Variants in CROT observed in about 807,000 individuals in gnomAD.
CROT encodes the protein peroxisomal carnitine O-octanoyltransferase.
CROT carries 84 observed loss-of-function variants against 89.2 expected under a neutral mutation model. The ratio of observed to expected loss-of-function variants is 0.94; its 90% confidence interval spans 0.79 to 1.13. CROT has a LOEUF of 1.13. Ranked by LOEUF, CROT falls within the 50% of genes most tolerant of loss-of-function variation. The pLI is 0.00. For synonymous variants in CROT, 212 were observed against 239.5 expected, an observed-to-expected ratio of 0.89 and a Z score of 1.06; for missense variants, 711 against 727.8, an observed-to-expected ratio of 0.98 and a Z score of 0.27.
intron 7 of CROT, among the ~76,000 whole-genome samples, chr7:87,372,107 G>T (rs1164519239): frequency 6.6e-6 from 1 of 151,766 alleles, no homozygotes; most frequent in Non-Finnish European, 1.5e-5. Context: ...TACAAGTGAG[G>T]TTGAGCATTT....
Position 87,392,610 on chromosome 7 carries a change from T to A in CROT, c.1470T>A (p.His490Gln). The A allele has an allele frequency of 6.2e-7, 1 of 1,613,564 alleles. No homozygotes were observed. The highest frequency in any genetic ancestry group is 8.5e-7 in the Non-Finnish European group (1 of 1,179,666). The change falls in exon 15 of 18, where the codon CAT becomes CAA. Residue 490 changes from histidine (H) to glutamine (Q), a missense_variant. Coordinates refer to ENST00000331536, the MANE Select transcript of CROT (RefSeq NM_021151.4). ...QQKMLQAFAK[H>Q]NKMMKDCSAG... ...AGATGTTACAAGCTTTTGCAAAGCA[T>A]AATAAAATGATGAAAGATTGTTCAG...
intron 6 of CROT, among the ~76,000 whole-genome samples, chr7:87,365,957 T>C (rs1371961927): frequency 6.6e-6 from 1 of 152,158 alleles, no homozygotes; most frequent in African/African-American, 2.4e-5. Flanking sequence ...TTAAGACTAA[T>C]TCAGTCATAC....
chr7:87,381,897 G>A lies in CROT; in HGVS notation c.979-13G>A, dbSNP rs771776076. On this transcript the variant is annotated splice_polypyrimidine_tract_variant and intron_variant, in intron 10 of 17. Transcript: ENST00000331536. ...CATAAAGTATTCAGAAATCTTGTGT[G>A]TTCTCATTTTAGCATGCTCCTTTTG... The A allele has an allele frequency of 3.8e-6, 6 of 1,573,984 alleles. No homozygotes were observed. In the South Asian group the frequency reaches 7.0e-5, roughly 18 times the overall value.
At chr7:87,346,831 C>G (rs535852940) in intron 2 of CROT, among the ~76,000 whole-genome samples, 2 of 152,206 alleles carry the variant, frequency 1.3e-5, no homozygotes, top group Non-Finnish European at 2.9e-5. Flanking sequence ...AATGTATTAT[C>G]TCATAGCTTC....
intron 17 of CROT, among the ~76,000 whole-genome samples, chr7:87,397,845 A>G (rs1807590514): frequency 2.6e-5 from 4 of 152,218 alleles, no homozygotes; most frequent in Non-Finnish European, 5.9e-5. Flanking sequence ...TTCCAGAAGC[A>G]TTACATTGCA....
intron 7 of CROT, among the ~76,000 whole-genome samples, chr7:87,372,647 GC>G (rs1221699294): frequency 6.6e-6 from 1 of 151,970 alleles, no homozygotes; most frequent in Non-Finnish European, 1.5e-5. Flanking sequence ...TCTACTTTCT[GC>G]CTCTATAAAT....
At chr7:87,389,838 C>G (rs541877794) in intron 13 of CROT, among the ~76,000 whole-genome samples, 19 of 151,032 alleles carry the variant, frequency 1.3e-4, no homozygotes, top group African/African-American at 4.6e-4. Context: ...TTGTTCCTAG[C>G]ATTAAGACTG....
intron 9 of CROT, 81 bp downstream of exon 9, chr7:87,376,034 T>C: frequency 7.3e-7 from 1 of 1,371,824 alleles, no homozygotes; most frequent in Non-Finnish European, 9.8e-7. Flanking sequence ...AAGTTTTTTT[T>C]CTTTTTCTAC....
intron 4 of CROT, among the ~76,000 whole-genome samples, 156 bp from the exon 5 acceptor site, chr7:87,361,234 A>G (rs1806257796): frequency 6.6e-6 from 1 of 151,582 alleles, no homozygotes; most frequent in South Asian, 2.1e-4. Context: ...AAGTGCTGGG[A>G]TTATAGGTGT....
At position 87,391,666 on chromosome 7, in the gene CROT, T is replaced by C. The variant is rs112942791; in HGVS notation, c.1379T>C (p.Val460Ala). Reference sequence around the variant, plus strand: ...ACAGAGACTATGCGATCATGCACAGTTGAAGCAGTGAGGTGGTGCCAGTCC... The same window carrying C: ...ACAGAGACTATGCGATCATGCACAGCTGAAGCAGTGAGGTGGTGCCAGTCC... ...GRTETMRSCT[V>A]EAVRWCQSMQ... The change falls in exon 14 of 18, where the codon GTT becomes GCT. Residue 460 changes from valine (V) to alanine (A), a missense_variant. Physicochemically the swap from Val to Ala is moderately conservative, Grantham distance 64 (BLOSUM62 0). Transcript: ENST00000331536. 1.9e-6 allele frequency: 3 copies of C among 1,611,948 alleles called. No individual in the cohort carries two copies. In the South Asian group the frequency reaches 3.3e-5, roughly 18 times the overall value.
chr7:87,388,584 T>G lies in CROT; in HGVS notation c.1302-3005T>G, dbSNP rs186727641. Among the ~76,000 whole-genome samples, 534 of 152,302 alleles carry G rather than the reference T, an allele frequency of 3.5e-3. 4 individuals carry two copies. Among genetic ancestry groups the G allele is most frequent in the African/African-American group, 0.012 (493 of 41,560 alleles). On this transcript the variant is annotated intron_variant, in intron 13 of 17. Transcript: ENST00000331536. ...AACTGGCTAGCCATTTGCAGAAAAC[T>G]GAAACTGGACCCCTTCCTTATACCT... is the stretch of plus-strand genomic sequence containing the variant.
chr7:87,390,648 G>T (rs1418413744), intron 13 of CROT, among the ~76,000 whole-genome samples: 1 of 152,138 alleles, frequency 6.6e-6, no homozygotes, highest in South Asian at 2.1e-4. Flanking sequence ...GAAAGTAAGA[G>T]AGTTTTATAC....
At position 87,375,898 on chromosome 7, in the gene CROT, T is replaced by G; in HGVS notation, c.821T>G (p.Leu274Arg). The G allele has an allele frequency of 6.2e-7, 1 of 1,613,338 alleles. No homozygotes were observed. The highest frequency in any genetic ancestry group is 8.5e-7 in the Non-Finnish European group (1 of 1,179,388). Residue 274 changes from leucine to arginine, a missense_variant, in exon 9 of 18, where the codon CTG becomes CGG. Coordinates refer to ENST00000331536, the MANE Select transcript of CROT (RefSeq NM_021151.4). The part of the protein sequence containing the change: ...ALLEKIQSSL[L>R]VYSMEDSSPH... ...TTAGAAAAAATTCAGAGTAGTTTACTGGTATATTCCATGGAGGATAGCAGT... is the reference window on the plus strand; with the variant it reads ...TTAGAAAAAATTCAGAGTAGTTTACGGGTATATTCCATGGAGGATAGCAGT...
At chr7:87,367,565 C>A (rs1806485350) in intron 6 of CROT, among the ~76,000 whole-genome samples, 1 of 152,124 alleles carries the variant, frequency 6.6e-6, no homozygotes, top group East Asian at 1.9e-4. Context: ...CCATTCTCTA[C>A]CCCCTTGCAA....
chr7:87,367,069 A>G (rs1806471424), intron 6 of CROT, among the ~76,000 whole-genome samples: 1 of 152,246 alleles, frequency 6.6e-6, no homozygotes, highest in African/African-American at 2.4e-5. Flanking sequence ...GGTCCCCCAT[A>G]GATGTCTACT....
chr7:87,352,308 G>A (rs1805894286), intron 3 of CROT, among the ~76,000 whole-genome samples: 1 of 152,164 alleles, frequency 6.6e-6, no homozygotes, highest in Admixed American at 6.5e-5. Flanking sequence ...ATGTCAGGGT[G>A]GTGTGCTACC....
At chr7:87,347,719 A>G (rs950368583) in intron 2 of CROT, among the ~76,000 whole-genome samples, 2 of 152,042 alleles carry the variant, frequency 1.3e-5, no homozygotes, top group African/African-American at 2.4e-5. Flanking sequence ...CCATACATCT[A>G]GAGGTAGGAG....
intron 13 of CROT, among the ~76,000 whole-genome samples, chr7:87,390,809 A>C (rs1807334570): frequency 6.6e-6 from 1 of 152,238 alleles, no homozygotes; most frequent in Non-Finnish European, 1.5e-5. Flanking sequence ...CTGTGTAATA[A>C]ATTACCCCAA....
chr7:87,382,198 T>C lies in CROT; in HGVS notation c.1170+17T>C, dbSNP rs771531776. 4.5e-6 allele frequency: 7 copies of C among 1,568,082 alleles called. No homozygotes were observed. Among genetic ancestry groups the C allele is most frequent in the Middle Eastern group, 1.7e-4 (1 of 5,924 alleles). ...CTCAGGGAGGTATATTTTTCACTTT[T>C]CTCTTAAATAATAATGATTTTTTCT... On this transcript the variant is annotated intron_variant, in intron 12 of 17. Coordinates refer to ENST00000331536, the MANE Select transcript of CROT (RefSeq NM_021151.4).
Sources: allele counts gnomAD v4.1 joint callset (sites outside exome capture counted in the v4.1 genomes callset), GRCh38; gene constraint gnomAD v4.1.1; transcripts MANE v1.5; gene names NCBI Gene and HGNC (gene_info 2026-07-23, HGNC 2026-07-21).